The following CDC42SE2 variants were observed in gnomAD, a reference collection of about 807,000 sequenced individuals.
CDC42SE2 encodes the protein CDC42 small effector protein 2.
A neutral mutation model predicts 11.5 loss-of-function variants in CDC42SE2; 3 were observed. The observed-to-expected ratio is 0.26, with a 90% CI of 0.12 to 0.67. The LOEUF is 0.67. Ranked by LOEUF, CDC42SE2 falls within the 30% of genes least tolerant of loss-of-function variation. CDC42SE2 has a pLI of 0.80. For missense variants in CDC42SE2, 82 were observed against 106.8 expected (o/e 0.77, Z 1.02); for synonymous variants, 33 against 34.8 (o/e 0.95, Z 0.18).
At chr5:131,307,972 T>C (rs1462387040) in intron 1 of CDC42SE2, among the ~76,000 whole-genome samples, 1 of 152,182 alleles carries the variant, frequency 6.6e-6, no homozygotes, top group Non-Finnish European at 1.5e-5. Context: ...TATTAGCCCT[T>C]TGTCAGATGA....
chr5:131,318,373 A>C (rs1327983905), intron 2 of CDC42SE2, among the ~76,000 whole-genome samples: 5 of 152,198 alleles, frequency 3.3e-5, no homozygotes, highest in Admixed American at 3.3e-4. Context: ...GCTGTATTTC[A>C]TATATATTTT....
At chr5:131,345,252 C>G (rs1758810980) in intron 2 of CDC42SE2, among the ~76,000 whole-genome samples, 2 of 152,124 alleles carry the variant, frequency 1.3e-5, no homozygotes, top group Admixed American at 6.6e-5. Context: ...AGCTAAAAAC[C>G]TTGAAAAAAG....
chr5:131,220,009 G>A, the CDC42SE2 span, among the ~76,000 whole-genome samples: 356 of 152,200 alleles, frequency 2.3e-3, no homozygotes, highest in African/African-American at 8.3e-3. Flanking sequence ...ATAAGATTTT[G>A]ATTACTTCTG....
chr5:131,314,411 T>G (rs1344364730), intron 1 of CDC42SE2, among the ~76,000 whole-genome samples: 4 of 152,028 alleles, frequency 2.6e-5, no homozygotes, highest in Admixed American at 1.3e-4. Flanking sequence ...TAAAACATTT[T>G]TTTTGTTGTT....
chr5:131,337,351 G>A (rs1453467372), intron 2 of CDC42SE2, among the ~76,000 whole-genome samples: 3 of 152,236 alleles, frequency 2.0e-5, no homozygotes, highest in East Asian at 3.9e-4. Flanking sequence ...AGGAGTACCC[G>A]GCCACATGAG....
chr5:131,339,468 A>G (rs1758656700), intron 2 of CDC42SE2, among the ~76,000 whole-genome samples: 3 of 152,086 alleles, frequency 2.0e-5, no homozygotes, highest in Admixed American at 1.3e-4. Flanking sequence ...AAGACACTAT[A>G]GTAGGTCAAT....
chr5:131,378,001 G>GCTA (rs1216700088), intron 3 of CDC42SE2, among the ~76,000 whole-genome samples: 7 of 152,232 alleles, frequency 4.6e-5, no homozygotes, highest in Non-Finnish European at 7.3e-5. Context: ...GTCAGGCACA[G>GCTA]CTACTGTTAC....
chr5:131,269,401 T>C (rs182540754), intron 1 of CDC42SE2, among the ~76,000 whole-genome samples: 1 of 152,326 alleles, frequency 6.6e-6, no homozygotes, highest in African/African-American at 2.4e-5. Context: ...GTTTTCTTGC[T>C]TACCCACTTA....
At chr5:131,210,281 A>G in the CDC42SE2 span, among the ~76,000 whole-genome samples, 3 of 152,212 alleles carry the variant, frequency 2.0e-5, no homozygotes. Context: ...ATATTTGTCA[A>G]TCTCCTTAAA....
chr5:131,279,202 T>G (rs184761188), intron 1 of CDC42SE2, among the ~76,000 whole-genome samples: 332 of 152,344 alleles, frequency 2.2e-3, no homozygotes, highest in Middle Eastern at 0.02. Flanking sequence ...TTCAAAGTTA[T>G]GTTCTCTTTA....
rs1259140084 is a variant in CDC42SE2 at position 131,391,551 on chromosome 5, A to T, written c.*460A>T. The T allele has an allele frequency of 2.0e-5, 3 of 152,440 alleles. No individual in the cohort carries two copies. The highest frequency in any genetic ancestry group is 4.4e-5 in the Non-Finnish European group (3 of 68,226). The allele number at this position is 152,440 out of a possible 1,614,324, so 9.4% of individuals were successfully genotyped here. On this transcript the variant is annotated 3_prime_UTR_variant, in exon 5 of 5. Coordinates refer to ENST00000505065, the MANE Select transcript of CDC42SE2 (RefSeq NM_001375635.1). ...GCTGGGCATGGTGGCGCATGCCTGT[A>T]ATCGCAGCTACTCAGGAGGCTGAGG... is the stretch of plus-strand genomic sequence containing the variant.
intron 1 of CDC42SE2, among the ~76,000 whole-genome samples, chr5:131,273,219 G>A (rs1757030315): frequency 6.8e-6 from 1 of 147,056 alleles, no homozygotes; most frequent in African/African-American, 2.5e-5. Flanking sequence ...GCAGTGGCGT[G>A]ATCTTGGCTC....
the CDC42SE2 span, among the ~76,000 whole-genome samples, chr5:131,212,762 A>G: frequency 6.6e-6 from 1 of 152,226 alleles, no homozygotes; most frequent in African/African-American, 2.4e-5. Flanking sequence ...ATACAAAGAA[A>G]TAACAAAAGA....
chr5:131,225,001 C>A, the CDC42SE2 span, among the ~76,000 whole-genome samples: 6 of 152,128 alleles, frequency 3.9e-5, no homozygotes, highest in South Asian at 4.1e-4. Context: ...CCACATGAAG[C>A]AGCTATGGTG....
At chr5:131,244,566 C>A (rs919305014), upstream of CDC42SE2, among the ~76,000 whole-genome samples, 3 of 152,116 alleles carry the variant, frequency 2.0e-5, no homozygotes, top group Non-Finnish European at 2.9e-5. Flanking sequence ...GAAAAATTAG[C>A]TGGGCATGGT....
rs181081814 is a variant in CDC42SE2 at position 131,292,274 on chromosome 5, T to C, written c.-454-23702T>C. ...AAAAAAAAAAAAAAAAAGATAATAA[T>C]AATATCTTCCCAGCTGGACACAGTG... is the stretch of plus-strand genomic sequence containing the variant. On this transcript the variant is annotated intron_variant, in intron 1 of 4. Transcript: ENST00000505065. 1.9e-3 allele frequency among the ~76,000 whole-genome samples: 220 copies of C among 114,762 alleles called. 1 individual carries two copies. Among genetic ancestry groups the C allele is most frequent in the Non-Finnish European group, 3.1e-3 (174 of 56,524 alleles). The allele number at this position is 114,762 out of a possible 152,430, so 75.3% of individuals were successfully genotyped here.
intron 1 of CDC42SE2, among the ~76,000 whole-genome samples, chr5:131,309,922 A>T (rs1580745554): frequency 2.6e-5 from 4 of 151,796 alleles, no homozygotes; most frequent in South Asian, 2.1e-4. Context: ...AATTTTTTGA[A>T]GGGTTTTTTG....
chr5:131,374,528 CAAA>C (rs11311226), intron 3 of CDC42SE2, among the ~76,000 whole-genome samples: 11 of 70,610 alleles, frequency 1.6e-4, no homozygotes, highest in East Asian at 1.0e-3. Flanking sequence ...GAGACTGTCT[CAAA>C]AAAAAAAAAA....
chr5:131,321,289 T>G (rs1016300219), intron 2 of CDC42SE2, among the ~76,000 whole-genome samples: 19 of 152,232 alleles, frequency 1.2e-4, no homozygotes, highest in Non-Finnish European at 7.3e-5. Flanking sequence ...ACAACTCAAC[T>G]TCCGTCTGTG....
Sources: allele counts gnomAD v4.1 joint callset (sites outside exome capture counted in the v4.1 genomes callset), GRCh38; gene constraint gnomAD v4.1.1; transcripts MANE v1.5; gene names NCBI Gene and HGNC (gene_info 2026-07-23, HGNC 2026-07-21).